The following CTDP1 variants were observed in gnomAD, a reference collection of about 807,000 sequenced individuals.
The protein encoded by CTDP1 is CTD phosphatase 1, also known as RNA polymerase II subunit A C-terminal domain phosphatase.
In CTDP1, 47 loss-of-function variants were observed where a neutral mutation model predicts 91.8. The ratio of observed to expected loss-of-function variants is 0.51; its 90% CI spans 0.41 to 0.65. The LOEUF (loss-of-function observed/expected upper bound fraction) is 0.65, where lower values mean the gene tolerates loss of function less well. Among genes scored for constraint, CTDP1 ranks in the 30% least tolerant of loss-of-function variants. The pLI, the probability that CTDP1 is intolerant of heterozygous loss-of-function variation, is 0.00. For missense variants in CTDP1, 1,272 were observed against 1,373.7 expected (o/e 0.93, Z 1.17); for synonymous variants, 656 against 598.5 (o/e 1.10, Z -1.40).
At position 79,732,616 on chromosome 18, in the gene CTDP1, A is replaced by C. The variant is rs138853053; in HGVS notation, c.2580+3547A>C. 6.0e-3 allele frequency among the ~76,000 whole-genome samples: 821 copies of C among 137,156 alleles called. 6 individuals carry two copies. Among genetic ancestry groups the C allele is most frequent in the African/African-American group, 0.02 (712 of 34,914 alleles). The allele number at this position is 137,156 out of a possible 152,430, so 90.0% of individuals were successfully genotyped here. ...CAAAATCACGTGAGACATGAGAACT[A>C]ACATCAGGAGTGCTCCCAAAATCAC... On this transcript the variant is annotated intron_variant, in intron 11 of 12. Transcript: ENST00000613122.
chr18:79,732,755 A>AC, intron 11 of CTDP1, among the ~76,000 whole-genome samples: 1 of 151,906 alleles, frequency 6.6e-6, no homozygotes, highest in Non-Finnish European at 1.5e-5. Flanking sequence ...ACTCACTGTC[A>AC]CCAGGAGTGC....
At chr18:79,706,352 C>T (rs2085966685) in intron 5 of CTDP1, among the ~76,000 whole-genome samples, 1 of 152,210 alleles carries the variant, frequency 6.6e-6, no homozygotes, top group African/African-American at 2.4e-5. Flanking sequence ...TGTGTTCCAG[C>T]CCCAGATTGT....
At chr18:79,711,572 G>A (rs960581578) in intron 6 of CTDP1, among the ~76,000 whole-genome samples, 26 of 152,168 alleles carry the variant, frequency 1.7e-4, no homozygotes, top group African/African-American at 6.3e-4. Context: ...GCAGCTCTGC[G>A]GGGCCACTGG....
chr18:79,723,307 G>T (rs2086382529), intron 10 of CTDP1, among the ~76,000 whole-genome samples: 1 of 152,176 alleles, frequency 6.6e-6, no homozygotes, highest in Admixed American at 6.5e-5. Flanking sequence ...GGCCTCATAT[G>T]TTGTGTGCAT....
chr18:79,699,095 C>T (rs1014893344), intron 4 of CTDP1, among the ~76,000 whole-genome samples: 8 of 152,004 alleles, frequency 5.3e-5, no homozygotes, highest in African/African-American at 9.7e-5. Flanking sequence ...TGTTTAGGGC[C>T]GGAATTCAGG....
chr18:79,722,462 T>TATCA (rs1420982321), intron 10 of CTDP1, among the ~76,000 whole-genome samples: 35 of 152,272 alleles, frequency 2.3e-4, no homozygotes, highest in African/African-American at 8.4e-4. Context: ...TGCACCAAAA[T>TATCA]ATCAATATTA....
At chr18:79,741,669 T>C (rs2086780801) in intron 12 of CTDP1, among the ~76,000 whole-genome samples, 1 of 152,232 alleles carries the variant, frequency 6.6e-6, no homozygotes, top group South Asian at 2.1e-4. Flanking sequence ...CACTCAGCTC[T>C]TCTCCACAGG....
rs1159003712 is a variant in CTDP1, at chr18:79,715,482, C to T, written c.2022C>T (p.Ser674=). 4 of 1,577,688 alleles carry T rather than the reference C, an allele frequency of 2.5e-6. No homozygotes were observed. Among genetic ancestry groups the T allele is most frequent in the Admixed American group, 3.6e-5 (2 of 55,360 alleles). The part of the protein sequence containing the change: ...GAKILTRLVL[S]PDAPDRATHL... ...AGATCCTCACTCGGCTGGTGCTGAG[C>T]CCCGACGCCCCTGACAGGGCCACGC... Residue 674 remains serine (S), a synonymous_variant, in exon 8 of 13, where the codon AGC becomes AGT. Coordinates refer to ENST00000613122, the MANE Select transcript of CTDP1 (RefSeq NM_004715.5).
chr18:79,713,888 G>A lies in CTDP1; in HGVS notation c.1031-603G>A, dbSNP rs1330500304. Among the ~76,000 whole-genome samples the A allele has an allele frequency of 6.7e-6, 1 of 149,642 alleles. No individual in the cohort carries two copies. Among genetic ancestry groups the A allele is most frequent in the African/African-American group, 2.5e-5 (1 of 40,622 alleles). On this transcript the variant is annotated intron_variant, in intron 7 of 12. Coordinates refer to ENST00000613122, the MANE Select transcript of CTDP1 (RefSeq NM_004715.5). This position sits in a 1 kb window ranked among gnomAD's most constrained non-coding sequence, Gnocchi z 4.7. ...TGGCGCCAGGTCTGCAGGGGCTTAC[G>A]GCCACGGTGGCGCCAGGTCTGCAGG...
chr18:79,688,366 G>A (rs2085550834), intron 1 of CTDP1, among the ~76,000 whole-genome samples: 1 of 152,256 alleles, frequency 6.6e-6, no homozygotes, highest in Non-Finnish European at 1.5e-5. Flanking sequence ...CTGGGTTCAA[G>A]CGATTCTCCT....
At chr18:79,728,881 T>G in intron 10 of CTDP1, 26 bp from the exon 11 acceptor site, 1 of 1,613,150 alleles carries the variant, frequency 6.2e-7, no homozygotes, top group Non-Finnish European at 8.5e-7. Context: ...ACCTTCCTCA[T>G]GTGGGACCTA....
chr18:79,735,470 C>A (rs1042553927), intron 11 of CTDP1: 4 of 152,456 alleles, frequency 2.6e-5, no homozygotes, highest in Non-Finnish European at 5.9e-5. Context: ...CAACACCACT[C>A]CGACGTGATC....
At position 79,715,510 on chromosome 18, in the gene CTDP1, C is replaced by T; in HGVS notation, c.2050C>T (p.Leu684=). The change falls in exon 8 of 13, where the codon CTG becomes TTG. Residue 684 remains leucine (L), a synonymous_variant. Transcript: ENST00000613122. ...SPDAPDRATH[L]IAARAGTEKV... ...CGACGCCCCTGACAGGGCCACGCAC[C>T]TGATCGCCGCGCGAGCTGGTGAGTG... The T allele has an allele frequency of 6.4e-7, 1 of 1,559,796 alleles. No individual in the cohort carries two copies. The highest frequency in any genetic ancestry group is 8.7e-7 in the Non-Finnish European group (1 of 1,155,680).
intron 10 of CTDP1, among the ~76,000 whole-genome samples, chr18:79,727,031 C>T (rs539738778): frequency 6.6e-6 from 1 of 150,724 alleles, no homozygotes; most frequent in East Asian, 2.0e-4. Flanking sequence ...GGGGTGACGC[C>T]CTTGCTGGTG....
intron 10 of CTDP1, among the ~76,000 whole-genome samples, chr18:79,722,612 G>T (rs551188058): frequency 6.6e-6 from 1 of 152,222 alleles, no homozygotes; most frequent in Admixed American, 6.5e-5. Flanking sequence ...TTGCAGGCTG[G>T]ATGCATCTTT....
At chr18:79,722,670 T>C (rs572784366) in intron 10 of CTDP1, among the ~76,000 whole-genome samples, 5 of 152,154 alleles carry the variant, frequency 3.3e-5, no homozygotes, top group Non-Finnish European at 7.3e-5. Flanking sequence ...TGTTGGAAAC[T>C]GAGTTCTCCT....
chr18:79,714,813 C>G lies in CTDP1; in HGVS notation c.1353C>G (p.Asp451Glu). 3 of 1,603,156 alleles carry G rather than the reference C, an allele frequency of 1.9e-6. No individual in the cohort carries two copies. Among genetic ancestry groups the G allele is most frequent in the Middle Eastern group, 1.7e-4 (1 of 6,048 alleles). Residue 451 changes from aspartate to glutamate, a missense_variant, in exon 8 of 13, where the codon GAC becomes GAG. Asp to Glu is a conservative substitution (Grantham distance 45). Transcript: ENST00000613122. ...PAQGATGTDL[D>E]FDLSSDSESS... ...AGGGTGCCACGGGCACTGACCTGGA[C>G]TTTGACTTATCCAGCGACAGCGAGA...
chr18:79,698,035 C>T (rs2085783643), intron 4 of CTDP1, 47 bp downstream of exon 4: 1 of 1,611,218 alleles, frequency 6.2e-7, no homozygotes. Context: ...AACCGCGGGT[C>T]CTAGAATTTT....
chr18:79,688,803 G>A (rs1377946359), intron 1 of CTDP1, among the ~76,000 whole-genome samples: 1 of 152,224 alleles, frequency 6.6e-6, no homozygotes, highest in African/African-American at 2.4e-5. Flanking sequence ...GCCTCGCTAA[G>A]TGCTGGGATT....
Sources: allele counts gnomAD v4.1 joint callset (sites outside exome capture counted in the v4.1 genomes callset), GRCh38; gene constraint gnomAD v4.1.1; non-coding constraint Gnocchi (gnomAD v3.1); transcripts MANE v1.5; gene names NCBI Gene and HGNC (gene_info 2026-07-23, HGNC 2026-07-21).